AGBL4: variants seen among roughly 807,000 people sequenced by gnomAD.
AGBL4 encodes the protein AGBL carboxypeptidase 4.
AGBL4 carries 58 observed loss-of-function variants against 66.4 expected under a neutral mutation model. That is an observed-to-expected ratio of 0.87 (90% CI 0.71 to 1.09). The LOEUF is 1.09. Among genes scored for constraint, AGBL4 ranks in the 50% least tolerant of loss-of-function variants. The probability of loss-of-function intolerance (pLI) is 0.00; values close to 1 mark genes in which losing one functional copy is unlikely to be tolerated. For synonymous variants in AGBL4, 234 were observed against 222.9 expected (o/e 1.05, Z -0.44); for missense variants, 579 against 631.0 (o/e 0.92, Z 0.88).
At chr1:49,292,625 G>A (rs1387588175) in intron 3 of AGBL4, among the ~76,000 whole-genome samples, 1 of 152,156 alleles carries the variant, frequency 6.6e-6, no homozygotes, top group Non-Finnish European at 1.5e-5. Flanking sequence ...CAATCCATGT[G>A]ATGACCAGCT....
intron 6 of AGBL4, chr1:48,759,176 C>G: frequency 1.9e-6 from 3 of 1,614,074 alleles, no homozygotes; most frequent in Non-Finnish European, 2.5e-6. Context: ...AAGACCTCTT[C>G]CGGACACGTG....
intron 4 of AGBL4, among the ~76,000 whole-genome samples, chr1:49,069,023 T>C (rs1644547056): frequency 6.6e-6 from 1 of 152,230 alleles, no homozygotes; most frequent in Admixed American, 6.5e-5. Context: ...GCTGCATAAA[T>C]GTCTTCTTTT....
At chr1:48,590,740 T>A in intron 10 of AGBL4, 93 bp downstream of exon 10, 1 of 1,388,186 alleles carries the variant, frequency 7.2e-7, no homozygotes, top group Non-Finnish European at 9.6e-7. Context: ...AGGTGTCCCG[T>A]GGAGCTTAAA....
intron 2 of AGBL4, among the ~76,000 whole-genome samples, chr1:49,760,615 A>G (rs544768352): frequency 6.6e-6 from 1 of 152,190 alleles, no homozygotes; most frequent in Non-Finnish European, 1.5e-5. Flanking sequence ...CAGTGTGGCA[A>G]TTCCTTAAGG....
intron 4 of AGBL4, among the ~76,000 whole-genome samples, chr1:49,117,176 T>G: frequency 6.6e-6 from 1 of 152,208 alleles, no homozygotes; most frequent in East Asian, 1.9e-4. Context: ...GGTTGCCTGT[T>G]CACTCTGATG....
chr1:48,672,938 C>T (rs1646300650), intron 6 of AGBL4, among the ~76,000 whole-genome samples: 1 of 151,766 alleles, frequency 6.6e-6, no homozygotes, highest in South Asian at 2.1e-4. Flanking sequence ...AGGCACTTTA[C>T]ATACATCAGG....
intron 2 of AGBL4, among the ~76,000 whole-genome samples, chr1:49,724,089 A>G (rs1161524404): frequency 6.6e-6 from 1 of 152,150 alleles, no homozygotes; most frequent in African/African-American, 2.4e-5. Flanking sequence ...GGCATTATTT[A>G]GTTTTCCACT....
intron 1 of AGBL4, among the ~76,000 whole-genome samples, chr1:49,960,408 G>C (rs537348250): frequency 6.6e-6 from 1 of 152,084 alleles, no homozygotes; most frequent in South Asian, 2.1e-4. Context: ...GTTACTATAC[G>C]CTGGTAAGGG....
chr1:48,539,675 A>G lies in AGBL4; in HGVS notation c.1331T>C (p.Val444Ala). 6.5e-7 allele frequency: 1 copy of G among 1,544,148 alleles called. No individual in the cohort carries two copies. The highest frequency in any genetic ancestry group is 1.2e-5 in the South Asian group (1 of 83,050). Residue 444 changes from valine to alanine, a missense_variant, in exon 12 of 14, where the codon GTT becomes GCT. Transcript: ENST00000371839. Reference sequence around the variant, plus strand: ...CGGCATGGGAATTGCCACCTTTTCAACCACGGGGTTCAGCCGATAATAGTC... The same window carrying G: ...CGGCATGGGAATTGCCACCTTTTCAGCCACGGGGTTCAGCCGATAATAGTC... ...FLDYYRLNPV[V>A]EKVAIPMPRL...
intron 3 of AGBL4, among the ~76,000 whole-genome samples, chr1:49,446,232 G>A (rs954073213): frequency 3.3e-5 from 5 of 152,016 alleles, no homozygotes; most frequent in Admixed American, 6.5e-5. Context: ...ACATTCCTTC[G>A]GCAGTGTCAC....
intron 4 of AGBL4, among the ~76,000 whole-genome samples, chr1:49,162,903 G>T (rs985123210): frequency 3.9e-5 from 6 of 152,042 alleles, no homozygotes; most frequent in Admixed American, 2.0e-4. Context: ...TTGTTGTTTT[G>T]CTTGATACCT....
chr1:48,940,716 C>T (rs529285148), intron 5 of AGBL4, among the ~76,000 whole-genome samples: 23 of 152,294 alleles, frequency 1.5e-4, no homozygotes, highest in Non-Finnish European at 2.9e-4. Flanking sequence ...CTACCCTCAA[C>T]GGTTATATCC....
intron 2 of AGBL4, among the ~76,000 whole-genome samples, chr1:49,788,862 G>A (rs1644523691): frequency 6.6e-6 from 1 of 152,176 alleles, no homozygotes; most frequent in African/African-American, 2.4e-5. Flanking sequence ...GCCCTAGCCA[G>A]AACTTCCAAT....
At chr1:49,118,901 C>G (rs1413118221) in intron 4 of AGBL4, among the ~76,000 whole-genome samples, 4 of 152,146 alleles carry the variant, frequency 2.6e-5, no homozygotes, top group Non-Finnish European at 5.9e-5. Context: ...TTCAGAGATT[C>G]AACTTCGTCT....
chr1:49,987,649 C>G (rs1659608095), intron 1 of AGBL4, among the ~76,000 whole-genome samples: 1 of 151,992 alleles, frequency 6.6e-6, no homozygotes, highest in African/African-American at 2.4e-5. Context: ...TAAGACTGTC[C>G]ACTGAATTCA....
At chr1:48,761,261 C>A in intron 6 of AGBL4, 1 of 1,424,516 alleles carries the variant, frequency 7.0e-7, no homozygotes, top group East Asian at 2.5e-5. Context: ...GAGAGGAAGC[C>A]AGACTGAAAC....
At chr1:49,217,132 C>T (rs549774842) in intron 4 of AGBL4, among the ~76,000 whole-genome samples, 75 of 152,056 alleles carry the variant, frequency 4.9e-4, no homozygotes, top group Admixed American at 9.2e-4. Flanking sequence ...GACATCCATA[C>T]ACAGAAAACG....
At chr1:49,680,172 T>C (rs1184763519) in intron 3 of AGBL4, among the ~76,000 whole-genome samples, 1 of 150,570 alleles carries the variant, frequency 6.6e-6, no homozygotes, top group Non-Finnish European at 1.5e-5. Context: ...TGCCTCAGTC[T>C]CCCGAGTAGC....
chr1:49,771,276 C>T (rs909307619), intron 2 of AGBL4, among the ~76,000 whole-genome samples: 5 of 151,962 alleles, frequency 3.3e-5, no homozygotes, highest in Non-Finnish European at 5.9e-5. Flanking sequence ...TTTGGAGGCA[C>T]GTTGTTTAAT....
Sources: gnomAD v4.1 joint callset for allele counts (sites outside exome capture counted in the v4.1 genomes callset) on GRCh38, gnomAD v4.1.1 for gene constraint, MANE v1.5 for transcripts, NCBI Gene and HGNC (gene_info 2026-07-23, HGNC 2026-07-21) for gene names.